STK4: variants seen among roughly 807,000 people sequenced by gnomAD.
STK4 encodes the protein serine/threonine-protein kinase 4.
Under a neutral mutation model 64.9 loss-of-function variants are expected in STK4, and 30 were observed. The observed-to-expected ratio is 0.46, with a 90% CI of 0.35 to 0.63. The LOEUF (loss-of-function observed/expected upper bound fraction) is 0.63. STK4 is among the 20% of genes least tolerant of loss of function. The pLI, the probability that STK4 is intolerant of heterozygous loss-of-function variation, is 0.01. For synonymous variants in STK4, 177 were observed against 199.0 expected (o/e 0.89, Z 0.93); for missense variants, 466 against 598.5 (o/e 0.78, Z 2.31).
At chr20:45,046,689 A>C (rs867608388) in intron 10 of STK4, among the ~76,000 whole-genome samples, 1 of 141,496 alleles carries the variant, frequency 7.1e-6, no homozygotes, top group African/African-American at 2.6e-5. Context: ...TTATTTATTT[A>C]TTTTTTTTCC....
chr20:44,994,759 CATTTT>C (rs1322364640), intron 5 of STK4, among the ~76,000 whole-genome samples: 7 of 152,020 alleles, frequency 4.6e-5, no homozygotes, highest in African/African-American at 1.4e-4. Context: ...ACTACAGTAA[CATTTT>C]ATTTCGGTGC....
chr20:45,033,221 T>C (rs1265230342), intron 10 of STK4, among the ~76,000 whole-genome samples: 1 of 152,218 alleles, frequency 6.6e-6, no homozygotes, highest in Non-Finnish European at 1.5e-5. Context: ...ATTTTGTAGG[T>C]TGTCTGTTCA....
At chr20:45,014,406 A>G (rs1368773890) in intron 9 of STK4, among the ~76,000 whole-genome samples, 2 of 152,190 alleles carry the variant, frequency 1.3e-5, no homozygotes, top group Non-Finnish European at 2.9e-5. Flanking sequence ...AGCCTGGGTG[A>G]CAGAGCAAGA....
chr20:44,997,092 A>C, intron 6 of STK4, 77 bp from the exon 7 acceptor site: 3 of 1,587,714 alleles, frequency 1.9e-6, no homozygotes, highest in Non-Finnish European at 2.6e-6. Flanking sequence ...CTTCAAATGT[A>C]ATTCCACATG....
At chr20:45,001,116 T>TCA in intron 8 of STK4, 51 bp from the exon 9 acceptor site, 1 of 1,560,960 alleles carries the variant, frequency 6.4e-7, no homozygotes, top group Admixed American at 1.8e-5. Flanking sequence ...TTCAGAAAAC[T>TCA]CAAAGTCTTT....
rs542299411 is a variant in STK4, at chr20:44,973,614, C to T, written c.116+1456C>T. ...AATTGACTATGTAACTTATTTCTCT[C>T]ATTTCTAATACAGTTTGCTCTTACT... On this transcript the variant is annotated intron_variant, in intron 2 of 10. Coordinates refer to ENST00000372806, the MANE Select transcript of STK4 (RefSeq NM_006282.5). Among the ~76,000 whole-genome samples the T allele has an allele frequency of 1.4e-4, 22 of 152,340 alleles. No homozygotes were observed. In the South Asian group the frequency reaches 4.6e-3, roughly 32 times the overall value.
chr20:44,970,124 A>G (rs999349516), intron 1 of STK4, among the ~76,000 whole-genome samples: 5 of 152,186 alleles, frequency 3.3e-5, no homozygotes, highest in African/African-American at 1.2e-4. Context: ...GAGCCGTCAT[A>G]TGCTAAATGA....
intron 2 of STK4, among the ~76,000 whole-genome samples, chr20:44,977,474 C>T (rs2067360118): frequency 6.6e-6 from 1 of 151,946 alleles, no homozygotes; most frequent in South Asian, 2.1e-4. Context: ...GACAGCTGCC[C>T]AGGATTCCAA....
chr20:45,027,670 C>T (rs2068376328), intron 10 of STK4, among the ~76,000 whole-genome samples: 1 of 152,002 alleles, frequency 6.6e-6, no homozygotes, highest in African/African-American at 2.4e-5. Flanking sequence ...AAATTATTAA[C>T]TATAATTTTC....
chr20:44,983,587 A>G (rs1180471476), intron 4 of STK4, among the ~76,000 whole-genome samples: 1 of 152,202 alleles, frequency 6.6e-6, no homozygotes, highest in African/African-American at 2.4e-5. Flanking sequence ...GCGCCACTGC[A>G]CTGCAGCCTG....
Position 45,034,138 on chromosome 20 carries a change from G to T in STK4, c.1305+9008G>T, listed in dbSNP as rs149901416. ...AGGCAGTAAACAATGGCACTTAGAA[G>T]AAGATTTATAGCCTTAAATGAATTT... On this transcript the variant is annotated intron_variant, in intron 10 of 10. Coordinates refer to ENST00000372806, the MANE Select transcript of STK4 (RefSeq NM_006282.5). 5.4e-3 allele frequency among the ~76,000 whole-genome samples: 827 copies of T among 152,084 alleles called. 10 individuals are homozygous for T. The highest frequency in any genetic ancestry group is 0.019 in the African/African-American group (769 of 41,524).
rs55850759 is a variant in STK4 at position 44,987,255 on chromosome 20, C to A, written c.484C>A (p.His162Asn). ...AAATATTTTGCTAAATACAGAAGGA[C>A]ATGCAAAACTTGCAGATTTTGGGGT... ...AGNILLNTEG[H>N]AKLADFGVAG... Residue 162 changes from histidine to asparagine, a missense_variant, in exon 5 of 11, where the codon CAT (histidine) becomes AAT (asparagine). Coordinates refer to ENST00000372806, the MANE Select transcript of STK4 (RefSeq NM_006282.5). 1.3e-5 allele frequency: 21 copies of A among 1,609,380 alleles called. No individual in the cohort carries two copies. In the East Asian group the frequency reaches 4.5e-4, roughly 34 times the overall value.
At chr20:45,044,164 A>T (rs78435177) in intron 10 of STK4, among the ~76,000 whole-genome samples, 4,277 of 152,274 alleles carry the variant, frequency 0.028, 185 homozygotes, top group African/African-American at 0.092. Flanking sequence ...TCAAATCATG[A>T]ACTGTTGAGG....
intron 4 of STK4, among the ~76,000 whole-genome samples, chr20:44,983,748 C>T (rs1413205628): frequency 6.6e-6 from 1 of 152,046 alleles, no homozygotes; most frequent in Non-Finnish European, 1.5e-5. Flanking sequence ...TATCTGTATT[C>T]CATATTTGCA....
At chr20:45,064,826 G>A (rs987377556) in intron 10 of STK4, among the ~76,000 whole-genome samples, 2 of 152,196 alleles carry the variant, frequency 1.3e-5, no homozygotes, top group African/African-American at 4.8e-5. Flanking sequence ...TGCTGAAGTG[G>A]TTTATCAGAT....
At chr20:45,044,682 CTT>C (rs986063466) in intron 10 of STK4, among the ~76,000 whole-genome samples, 1 of 152,046 alleles carries the variant, frequency 6.6e-6, no homozygotes, top group African/African-American at 2.4e-5. Context: ...TACTGAATCA[CTT>C]TAGAAATTTG....
In STK4 at chr20:44,966,512, A is replaced by T; in HGVS notation, c.-57A>T. The T allele has an allele frequency of 5.6e-6, 7 of 1,252,032 alleles. No homozygotes were observed. Among genetic ancestry groups the T allele is most frequent in the Non-Finnish European group, 7.1e-6 (7 of 989,334 alleles). The allele number at this position is 1,252,032 out of a possible 1,614,324, so 77.6% of individuals were successfully genotyped here. Reference sequence around the variant, plus strand: ...GTGGGAGGGTCTGCGGGGCGGGCTCAGGAGGTCCGCGGGAGGATGGAGCAG... The same window carrying T: ...GTGGGAGGGTCTGCGGGGCGGGCTCTGGAGGTCCGCGGGAGGATGGAGCAG... On this transcript the variant is annotated 5_prime_UTR_variant, in exon 1 of 11. Transcript: ENST00000372806.
At chr20:45,036,889 G>A (rs1654479090) in intron 10 of STK4, among the ~76,000 whole-genome samples, 1 of 152,126 alleles carries the variant, frequency 6.6e-6, no homozygotes, top group African/African-American at 2.4e-5. Context: ...GGATAAGGGA[G>A]GGACTACTGT....
Position 44,997,191 on chromosome 20 carries a change from A to G in STK4, c.716A>G (p.Asn239Ser), listed in dbSNP as rs758578817. ...CAGGCAATCTTCATGATTCCTACAAATCCTCCTCCCACATTCCGAAAACCA... is the reference window on the plus strand; with the variant it reads ...CAGGCAATCTTCATGATTCCTACAAGTCCTCCTCCCACATTCCGAAAACCA... ...PMRAIFMIPT[N>S]PPPTFRKPEL... Residue 239 changes from asparagine to serine, a missense_variant, in exon 7 of 11, where the codon AAT becomes AGT. Coordinates refer to ENST00000372806, the MANE Select transcript of STK4 (RefSeq NM_006282.5). 2 of 1,613,978 alleles carry G rather than the reference A, an allele frequency of 1.2e-6. No individual in the cohort carries two copies. Among genetic ancestry groups the G allele is most frequent in the South Asian group, 2.2e-5 (2 of 91,084 alleles).
Sources: allele counts gnomAD v4.1 joint callset (sites outside exome capture counted in the v4.1 genomes callset), GRCh38; gene constraint gnomAD v4.1.1; transcripts MANE v1.5; gene names NCBI Gene and HGNC (gene_info 2026-07-23, HGNC 2026-07-21).